SPRING1: variants seen among roughly 807,000 people sequenced by gnomAD.
The protein encoded by SPRING1 is SREBF pathway regulator in golgi 1, also known as SREBP regulating gene protein.
Under a neutral mutation model 24.7 loss-of-function variants are expected in SPRING1, and 14 were observed. The ratio of observed to expected loss-of-function variants is 0.57; its 90% CI spans 0.37 to 0.88. The LOEUF is 0.88. SPRING1 is among the 40% of genes least tolerant of loss of function. The pLI is 0.00. For missense variants in SPRING1, 255 were observed against 268.4 expected (o/e 0.95, Z 0.35); for synonymous variants, 93 against 106.1 (o/e 0.88, Z 0.76).
chr12:116,719,574 A>G (rs1316430785), intron 4 of SPRING1, among the ~76,000 whole-genome samples, 189 bp downstream of exon 4: 1 of 152,106 alleles, frequency 6.6e-6, no homozygotes, highest in Non-Finnish European at 1.5e-5. Context: ...TAAATGCTTC[A>G]CCTCCCCTAA....
intron 1 of SPRING1, among the ~76,000 whole-genome samples, chr12:116,729,911 ATTT>A (rs893822733): frequency 6.6e-6 from 1 of 151,910 alleles, no homozygotes; most frequent in African/African-American, 2.4e-5. Flanking sequence ...TTATTTATTT[ATTT>A]TTTGAGACGG....
intron 1 of SPRING1, among the ~76,000 whole-genome samples, chr12:116,732,560 A>G (rs1196518020): frequency 6.6e-6 from 1 of 152,160 alleles, no homozygotes; most frequent in Admixed American, 6.5e-5. Flanking sequence ...ATACAAAATT[A>G]GCGAGGCATG....
chr12:116,737,055 C>T (rs1273886810), intron 1 of SPRING1, among the ~76,000 whole-genome samples: 1 of 152,232 alleles, frequency 6.6e-6, no homozygotes, highest in Non-Finnish European at 1.5e-5. Context: ...CACGCCCTCT[C>T]TTAGCTCTGG....
intron 1 of SPRING1, among the ~76,000 whole-genome samples, chr12:116,726,583 C>T (rs180304): frequency 0.9 from 137,365 of 152,170 alleles, 62,079 homozygotes; most frequent in East Asian, 0.99. Flanking sequence ...TGCAGGAGCC[C>T]TGGGAGTATG....
intron 1 of SPRING1, among the ~76,000 whole-genome samples, chr12:116,731,971 T>C (rs1365126535): frequency 1.3e-5 from 2 of 152,130 alleles, no homozygotes; most frequent in Non-Finnish European, 2.9e-5. Context: ...TATAAGCCAA[T>C]GCAGGCCACA....
Position 116,720,270 on chromosome 12 carries a change from G to A in SPRING1, c.420+26C>T, listed in dbSNP as rs369548022. ...CAGAGGCCGAAAGAAAAAAGGAGCC[G>A]CAGAACCAGGATCAACTCCCCATAC... On this transcript the variant is annotated intron_variant, in intron 3 of 4. Transcript: ENST00000261318. This position sits in a 1 kb window ranked among gnomAD's most constrained non-coding sequence, Gnocchi z 4.0. 6.7e-5 allele frequency: 106 copies of A among 1,573,520 alleles called. 1 individual carries two copies. Among genetic ancestry groups the A allele is most frequent in the Admixed American group, 3.9e-4 (19 of 49,308 alleles).
Position 116,723,074 on chromosome 12 carries a change from A to T in SPRING1, c.261T>A (p.Asp87Glu), listed in dbSNP as rs200384277. 6.2e-7 allele frequency: 1 copy of T among 1,612,404 alleles called. No homozygotes were observed. Among genetic ancestry groups the T allele is most frequent in the Non-Finnish European group, 8.5e-7 (1 of 1,180,034 alleles). The change falls in exon 2 of 5, where the codon GAT becomes GAA. Residue 87 changes from aspartate (D) to glutamate (E), a missense_variant. Asp to Glu is a conservative substitution (Grantham distance 45, BLOSUM62 2). Coordinates refer to ENST00000261318, the MANE Select transcript of SPRING1 (RefSeq NM_024738.4). ...AAGGGAAGCCAGCCTCACCGAGTTCATCCGTGATGAGGTGCTTCCCTTGAA... is the reference window on the plus strand; with the variant it reads ...AAGGGAAGCCAGCCTCACCGAGTTCTTCCGTGATGAGGTGCTTCCCTTGAA... ...NSIQGKHLIT[D>E]ELGYVCERKD...
intron 1 of SPRING1, among the ~76,000 whole-genome samples, chr12:116,732,685 T>G (rs1416461158): frequency 6.6e-6 from 1 of 152,110 alleles, no homozygotes; most frequent in African/African-American, 2.4e-5. Flanking sequence ...CCAGCCTGGG[T>G]GACAGAGTGA....
intron 1 of SPRING1, among the ~76,000 whole-genome samples, chr12:116,734,340 C>G (rs753976154): frequency 3.9e-5 from 6 of 152,028 alleles, no homozygotes; most frequent in African/African-American, 4.8e-5. Context: ...GCCACATAGC[C>G]CAGGGGTGTA....
intron 1 of SPRING1, among the ~76,000 whole-genome samples, chr12:116,724,291 T>A (rs339452): frequency 0.88 from 134,692 of 152,284 alleles, 59,776 homozygotes; most frequent in East Asian, 0.99. Flanking sequence ...ATCTAGGAAG[T>A]TCTGTTCGTA....
intron 1 of SPRING1, among the ~76,000 whole-genome samples, chr12:116,734,956 G>A (rs1357987865): frequency 6.6e-6 from 1 of 152,220 alleles, no homozygotes; most frequent in Non-Finnish European, 1.5e-5. Flanking sequence ...CTGCGGGGAA[G>A]AGAAGAAGAC....
chr12:116,730,416 C>G (rs145504002), intron 1 of SPRING1, among the ~76,000 whole-genome samples: 18 of 151,942 alleles, frequency 1.2e-4, no homozygotes, highest in African/African-American at 3.6e-4. Flanking sequence ...GTTGGCCAGA[C>G]TGGTCTGAAA....
At position 116,712,996 on chromosome 12, in the gene SPRING1, C is replaced by A; in HGVS notation, c.*4814G>T. On this transcript the variant is annotated 3_prime_UTR_variant, in exon 5 of 5. Coordinates refer to ENST00000261318, the MANE Select transcript of SPRING1 (RefSeq NM_024738.4). ...GAAGTCAGCACTCAGCTACCAGGAG[C>A]TCCTCTGTTCAATCTAACGGGGAGA... The A allele has an allele frequency of 6.6e-6, 1 of 152,302 alleles. No homozygotes were observed. The highest frequency in any genetic ancestry group is 1.9e-4 in the East Asian group (1 of 5,204). The allele number at this position is 152,302 out of a possible 1,614,324, so 9.4% of individuals were successfully genotyped here. A position where few individuals can be genotyped will look rare whatever the true frequency, so the allele number is the denominator to read the frequency against.
chr12:116,729,444 T>C (rs1035583691), intron 1 of SPRING1, among the ~76,000 whole-genome samples: 1 of 152,280 alleles, frequency 6.6e-6, no homozygotes, highest in Admixed American at 6.5e-5. Context: ...AACACAGATT[T>C]ACCATCTGAC....
chr12:116,718,709 A>G (rs540435468), intron 4 of SPRING1, among the ~76,000 whole-genome samples: 17 of 152,384 alleles, frequency 1.1e-4, no homozygotes, highest in Admixed American at 7.8e-4. Flanking sequence ...TTATCAGTGA[A>G]GGAAAGAAAA....
At position 116,711,955 on chromosome 12, in the gene SPRING1, G is replaced by A. The variant is rs1869889126; in HGVS notation, c.*5855C>T. ...GATTTTGGGATAATCTGGGTGCACA[G>A]TGATCAGAAGCTTACCTACCCCACG... On this transcript the variant is annotated 3_prime_UTR_variant, in exon 5 of 5. Coordinates refer to ENST00000261318, the MANE Select transcript of SPRING1 (RefSeq NM_024738.4). 1 of 152,126 alleles carries A rather than the reference G, an allele frequency of 6.6e-6. No individual in the cohort carries two copies. The highest frequency in any genetic ancestry group is 2.1e-4 in the South Asian group (1 of 4,822). The allele number at this position is 152,126 out of a possible 1,614,324, so 9.4% of individuals were successfully genotyped here. A position where few individuals can be genotyped will look rare whatever the true frequency, so the allele number is the denominator to read the frequency against.
At chr12:116,733,434 G>T (rs189913797) in intron 1 of SPRING1, among the ~76,000 whole-genome samples, 1 of 144,618 alleles carries the variant, frequency 6.9e-6, no homozygotes, top group East Asian at 1.9e-4. Context: ...TGCCCACCTC[G>T]GCCCTCCCAA....
intron 1 of SPRING1, among the ~76,000 whole-genome samples, chr12:116,733,361 T>TTTTTTTTTTTTTTGAGACGGAG (rs1481474831): frequency 6.8e-6 from 1 of 146,744 alleles, no homozygotes; most frequent in African/African-American, 2.7e-5. Context: ...TTTTTGTATT[T>TTTTTTTTTTTTTTGAGACGGAG]TCAGTAGAGA....
chr12:116,732,430 G>A (rs1428687261), intron 1 of SPRING1, among the ~76,000 whole-genome samples: 2 of 151,586 alleles, frequency 1.3e-5, no homozygotes, highest in Non-Finnish European at 2.9e-5. Flanking sequence ...ACAAAAGGCT[G>A]GACGCACTGG....
Sources: allele counts gnomAD v4.1 joint callset (sites outside exome capture counted in the v4.1 genomes callset), GRCh38; gene constraint gnomAD v4.1.1; non-coding constraint Gnocchi (gnomAD v3.1); transcripts MANE v1.5; gene names NCBI Gene and HGNC (gene_info 2026-07-23, HGNC 2026-07-21).